IMMT: variants seen among roughly 807,000 people sequenced by gnomAD.
IMMT encodes MICOS complex subunit MIC60.
IMMT carries 40 observed loss-of-function variants against 92.7 expected under a neutral mutation model. That is an observed-to-expected ratio of 0.43 (90% CI 0.34 to 0.56). The LOEUF is 0.56. IMMT is among the 20% of genes least tolerant of loss of function. The pLI is 0.03. For synonymous variants in IMMT, 322 were observed against 336.1 expected (o/e 0.96, Z 0.46); for missense variants, 831 against 912.1 (o/e 0.91, Z 1.14).
chr2:86,146,375 ATTTT>A (rs34573057), intron 13 of IMMT, among the ~76,000 whole-genome samples, 178 bp from the exon 14 acceptor site: 1 of 135,200 alleles, frequency 7.4e-6, no homozygotes, highest in Non-Finnish European at 1.5e-5. Context: ...TATATAATAT[ATTTT>A]TTTTTTTTTT....
At chr2:86,160,787 T>C (rs1399051508) in intron 8 of IMMT, among the ~76,000 whole-genome samples, 1 of 152,206 alleles carries the variant, frequency 6.6e-6, no homozygotes, top group African/African-American at 2.4e-5. Context: ...ACCCACTATT[T>C]TGGTTAAGGC....
At position 86,151,195 on chromosome 2, in the gene IMMT, G is replaced by A. The variant is rs1353174152; in HGVS notation, c.1401+102C>T. ...GGCCTCCCAAAGTGCCGCGATTACA[G>A]GCATGAACCACTGCACCCGGCTGAG... On this transcript the variant is annotated intron_variant, in intron 12 of 14. Coordinates refer to ENST00000410111, the MANE Select transcript of IMMT (RefSeq NM_006839.3). 8 of 1,012,932 alleles carry A rather than the reference G, an allele frequency of 7.9e-6. No homozygotes were observed. The African/African-American group carries it at 9.5e-5, about 12-fold the overall frequency. 62.7% of individuals were successfully genotyped at this position (1,012,932 alleles called of 1,614,324 possible). A position where few individuals can be genotyped will look rare whatever the true frequency, so the allele number is the denominator to read the frequency against.
intron 12 of IMMT, among the ~76,000 whole-genome samples, chr2:86,149,374 G>T (rs1209817057): frequency 6.6e-6 from 1 of 152,212 alleles, no homozygotes; most frequent in Non-Finnish European, 1.5e-5. Flanking sequence ...GGCATGCAGT[G>T]ATCAAGAAGC....
intron 14 of IMMT, among the ~76,000 whole-genome samples, chr2:86,145,437 G>A (rs919360225): frequency 4.1e-5 from 6 of 145,050 alleles, no homozygotes; most frequent in African/African-American, 1.5e-4. Context: ...GGAGGCTGCA[G>A]TGAGTCGATA....
In IMMT at chr2:86,174,118, C is replaced by T. The variant is rs115672024; in HGVS notation, c.310-357G>A. Among the ~76,000 whole-genome samples the T allele has an allele frequency of 4.6e-3, 705 of 152,294 alleles. 3 individuals carry two copies. Among genetic ancestry groups the T allele is most frequent in the Non-Finnish European group, 7.6e-3 (515 of 68,018 alleles). On this transcript the variant is annotated intron_variant, in intron 3 of 14. Coordinates refer to ENST00000410111, the MANE Select transcript of IMMT (RefSeq NM_006839.3). ...TTTCTAAATCAAACTATGATGTCTT[C>T]TGTATACATTCAGTTAGAAGCAAAT...
At chr2:86,168,197 T>C (rs1309581403) in intron 6 of IMMT, among the ~76,000 whole-genome samples, 2 of 152,212 alleles carry the variant, frequency 1.3e-5, no homozygotes, top group East Asian at 3.8e-4. Context: ...GAGGCTTCCA[T>C]CTATTAAGAT....
At chr2:86,180,130 A>T (rs1672334505) in intron 2 of IMMT, among the ~76,000 whole-genome samples, 1 of 152,140 alleles carries the variant, frequency 6.6e-6, no homozygotes, top group Non-Finnish European at 1.5e-5. Flanking sequence ...AATTTTTTTT[A>T]AATACAATAT....
rs540613367 is a variant in IMMT at position 86,164,052 on chromosome 2, A to ATTTTTTTTT, written c.793-1982_793-1974dup. Among the ~76,000 whole-genome samples, 180 of 63,056 alleles carry ATTTTTTTTT rather than the reference A, an allele frequency of 2.9e-3. 13 individuals are homozygous for ATTTTTTTTT. The highest frequency in any genetic ancestry group is 7.9e-3 in the African/African-American group (143 of 18,002). The allele number at this position is 63,056 out of a possible 152,430, so 41.4% of individuals were successfully genotyped here. A position where few individuals can be genotyped will look rare whatever the true frequency, so the allele number is the denominator to read the frequency against. ...GTTTCAGTGAATTCCCACTTTAGTC[A>ATTTTTTTTT]TTTTTTTTTTTTTTTTTTTTTTGAG... On this transcript the variant is annotated intron_variant, in intron 7 of 14. Coordinates refer to ENST00000410111, the MANE Select transcript of IMMT (RefSeq NM_006839.3).
At chr2:86,144,935 C>G (rs1374024366) in intron 14 of IMMT, 54 bp from the exon 15 acceptor site, 4 of 1,534,506 alleles carry the variant, frequency 2.6e-6, no homozygotes, top group Non-Finnish European at 3.5e-6. Flanking sequence ...TGACAACATA[C>G]ATCCACAGAA....
At chr2:86,160,777 A>G (rs1377923957) in intron 8 of IMMT, among the ~76,000 whole-genome samples, 1 of 152,206 alleles carries the variant, frequency 6.6e-6, no homozygotes, top group Non-Finnish European at 1.5e-5. Flanking sequence ...CCTATTACAT[A>G]CCCACTATTT....
chr2:86,144,709 T>A lies in IMMT; in HGVS notation c.1836A>T (p.Leu612Phe). ...GGGACTCTGGAGGGATAGCTGCGGT[T>A]AAAGCTTGGGTGAATTCATTATCAG... ...NCSDNEFTQA[L>F]TAAIPPESLT... is the part of the protein sequence containing the mutation. The change falls in exon 15 of 15, where the codon TTA (leucine) becomes TTT (phenylalanine). Residue 612 changes from leucine to phenylalanine, a missense_variant. By Grantham distance (22) the Leu-to-Phe change is conservative. Transcript: ENST00000410111. 9 of 1,613,998 alleles carry A rather than the reference T, an allele frequency of 5.6e-6. No individual in the cohort carries two copies. Among genetic ancestry groups the A allele is most frequent in the Non-Finnish European group, 7.6e-6 (9 of 1,179,900 alleles).
chr2:86,170,813 T>C lies in IMMT; in HGVS notation c.591A>G (p.Arg197=), dbSNP rs769694194. 7.6e-6 allele frequency: 12 copies of C among 1,588,360 alleles called. No homozygotes were observed. The highest frequency in any genetic ancestry group is 1.0e-5 in the Non-Finnish European group (12 of 1,165,684). ...EEASSSSIRE[R]PPEEVAARLA... is the part of the protein sequence containing the mutation. ...GGCGAGCTGCAACTTCTTCAGGTGGTCGCTCCCTTATAGAAGATGAGGATG... is the reference window on the plus strand; with the variant it reads ...GGCGAGCTGCAACTTCTTCAGGTGGCCGCTCCCTTATAGAAGATGAGGATG... Residue 197 remains arginine, a synonymous_variant, in exon 6 of 15, where the codon CGA becomes CGG. Coordinates refer to ENST00000410111, the MANE Select transcript of IMMT (RefSeq NM_006839.3).
In IMMT at chr2:86,195,369, C is replaced by G; in HGVS notation, c.14G>C (p.Cys5Ser). The G allele has an allele frequency of 1.3e-6, 2 of 1,549,652 alleles. No homozygotes were observed. The highest frequency in any genetic ancestry group is 1.7e-6 in the Non-Finnish European group (2 of 1,146,534). ...GGCGGCGGTCACACCCGATAACTGA[C>G]AGGCCCGCAGCATCTCGGTCAAGCG... MLRA[C>S]QLSGVTAAAQ... Residue 5 changes from cysteine (C) to serine (S), a missense_variant, in exon 1 of 15, where the codon TGT becomes TCT. Coordinates refer to ENST00000410111, the MANE Select transcript of IMMT (RefSeq NM_006839.3).
chr2:86,144,895 A>G lies in IMMT; in HGVS notation c.1664-14T>C. ...CAACTGCATGGCCTACAAAGAAAAAAAGGCAAAGCCAAACATTTTTCTCTC... is the reference window on the plus strand; with the variant it reads ...CAACTGCATGGCCTACAAAGAAAAAGAGGCAAAGCCAAACATTTTTCTCTC... On this transcript the variant is annotated splice_polypyrimidine_tract_variant and intron_variant, in intron 14 of 14. Coordinates refer to ENST00000410111, the MANE Select transcript of IMMT (RefSeq NM_006839.3). 6.4e-7 allele frequency: 1 copy of G among 1,568,564 alleles called. No individual in the cohort carries two copies. The highest frequency in any genetic ancestry group is 8.6e-7 in the Non-Finnish European group (1 of 1,160,960).
chr2:86,189,973 G>A (rs1393113397), intron 1 of IMMT, among the ~76,000 whole-genome samples: 3 of 152,166 alleles, frequency 2.0e-5, no homozygotes, highest in African/African-American at 7.2e-5. Context: ...TTTAGTTATA[G>A]AAATGGCAGA....
chr2:86,179,545 T>C lies in IMMT; in HGVS notation c.197A>G (p.Lys66Arg). Residue 66 changes from lysine to arginine, a missense_variant, in exon 3 of 15, where the codon AAA (lysine) becomes AGA (arginine). Lys to Arg is a conservative substitution (Grantham distance 26). Coordinates refer to ENST00000410111, the MANE Select transcript of IMMT (RefSeq NM_006839.3). ...GGIGGTILYA[K>R]WDSHFRESVE... is the part of the protein sequence containing the mutation. ...ACTTTCCCGGAAATGGGAATCCCATTTGGCATATAGGATAGTGCCACCAAT... is the reference window on the plus strand; with the variant it reads ...ACTTTCCCGGAAATGGGAATCCCATCTGGCATATAGGATAGTGCCACCAAT... The C allele has an allele frequency of 6.2e-7, 1 of 1,613,408 alleles. No homozygotes were observed. The highest frequency in any genetic ancestry group is 8.5e-7 in the Non-Finnish European group (1 of 1,179,634).
At chr2:86,167,049 G>A (rs1473996581) in intron 6 of IMMT, among the ~76,000 whole-genome samples, 9 of 147,472 alleles carry the variant, frequency 6.1e-5, no homozygotes, top group African/African-American at 2.3e-4. Context: ...AGTGAGCCGA[G>A]ATCATGCCAC....
At chr2:86,149,741 G>A (rs1558811597) in intron 12 of IMMT, among the ~76,000 whole-genome samples, 1 of 152,076 alleles carries the variant, frequency 6.6e-6, no homozygotes, top group Non-Finnish European at 1.5e-5. Flanking sequence ...AGCCACATGT[G>A]GTGGCATGCA....
intron 1 of IMMT, among the ~76,000 whole-genome samples, 182 bp downstream of exon 1, chr2:86,195,156 G>A (rs1673447846): frequency 6.6e-6 from 1 of 152,198 alleles, no homozygotes; most frequent in Admixed American, 6.5e-5. Flanking sequence ...ATAACCTCAA[G>A]TCATCCCAGT....
Sources: allele counts gnomAD v4.1 joint callset (sites outside exome capture counted in the v4.1 genomes callset), GRCh38; gene constraint gnomAD v4.1.1; transcripts MANE v1.5; gene names NCBI Gene and HGNC (gene_info 2026-07-23, HGNC 2026-07-21).